The following IGSF11 variants were observed in gnomAD, a reference collection of about 807,000 sequenced individuals.
IGSF11 encodes the protein immunoglobulin superfamily member 11.
IGSF11 carries 22 observed loss-of-function variants against 41.0 expected under a neutral mutation model. The observed-to-expected ratio is 0.54, with a 90% CI of 0.38 to 0.77. The LOEUF (loss-of-function observed/expected upper bound fraction) is 0.77. IGSF11 is among the 30% of genes least tolerant of loss of function. The pLI is 0.00. For missense variants in IGSF11, 444 were observed against 530.8 expected, an observed-to-expected ratio of 0.84 and a Z score of 1.61; for synonymous variants, 219 against 201.3, an observed-to-expected ratio of 1.09 and a Z score of -0.74.
chr3:118,947,895 G>T (rs1474350158), intron 1 of IGSF11: 1 of 152,182 alleles, frequency 6.6e-6, no homozygotes, highest in African/African-American at 2.4e-5. Flanking sequence ...TTGTTGGTAA[G>T]GTTTATACAG....
At chr3:119,112,200 G>T (rs12494951) in intron 1 of IGSF11, among the ~76,000 whole-genome samples, 11,306 of 152,232 alleles carry the variant, frequency 0.074, 549 homozygotes, top group Admixed American at 0.16. Flanking sequence ...CCCAGAGGTG[G>T]AGCCTACAGA....
chr3:118,927,758 CACCTCT>C (rs1166180729), intron 3 of IGSF11, among the ~76,000 whole-genome samples: 1 of 152,132 alleles, frequency 6.6e-6, no homozygotes, highest in Non-Finnish European at 1.5e-5. Context: ...TGAGTTTAGC[CACCTCT>C]ACCACAAGTA....
At chr3:119,102,695 A>G (rs1001930739) in intron 1 of IGSF11, among the ~76,000 whole-genome samples, 1 of 152,076 alleles carries the variant, frequency 6.6e-6, no homozygotes, top group Non-Finnish European at 1.5e-5. Context: ...TGTCCCTAAT[A>G]CTTCTAAATT....
intron 1 of IGSF11, among the ~76,000 whole-genome samples, chr3:119,054,959 A>C (rs1941767850): frequency 6.6e-6 from 1 of 152,152 alleles, no homozygotes; most frequent in Non-Finnish European, 1.5e-5. Flanking sequence ...TCACACGGCC[A>C]GGTACTCCTC....
At chr3:119,041,886 C>A (rs1559829516) in intron 1 of IGSF11, among the ~76,000 whole-genome samples, 1 of 152,034 alleles carries the variant, frequency 6.6e-6, no homozygotes, top group East Asian at 1.9e-4. Context: ...AAAACAAACC[C>A]AATCTTTTAC....
chr3:119,114,188 T>C (rs2077224854), intron 1 of IGSF11, among the ~76,000 whole-genome samples: 1 of 152,236 alleles, frequency 6.6e-6, no homozygotes, highest in South Asian at 2.1e-4. Context: ...GTCTTGGCTA[T>C]TGACATTTGT....
At chr3:118,909,723 C>G (rs1940040606) in intron 4 of IGSF11, among the ~76,000 whole-genome samples, 1 of 152,206 alleles carries the variant, frequency 6.6e-6, no homozygotes, top group South Asian at 2.1e-4. Flanking sequence ...AATATTTTGT[C>G]TGTTTGCCCT....
chr3:119,070,954 G>A (rs1309556495), intron 1 of IGSF11, among the ~76,000 whole-genome samples: 1 of 152,170 alleles, frequency 6.6e-6, no homozygotes, highest in Non-Finnish European at 1.5e-5. Flanking sequence ...TAACACTACT[G>A]TGAACATACT....
At chr3:119,046,972 G>C (rs1247593326) in intron 1 of IGSF11, among the ~76,000 whole-genome samples, 1 of 143,814 alleles carries the variant, frequency 7.0e-6, no homozygotes, top group East Asian at 2.0e-4. Flanking sequence ...CACCAGGCCT[G>C]CCCTAAAAGA....
At chr3:119,139,672 C>T (rs150881909) in intron 1 of IGSF11, among the ~76,000 whole-genome samples, 167 of 152,238 alleles carry the variant, frequency 1.1e-3, no homozygotes, top group African/African-American at 3.8e-3. Context: ...TGCCCAGTCT[C>T]GGGTATGTCT....
intron 1 of IGSF11, among the ~76,000 whole-genome samples, chr3:119,072,124 C>G (rs547333663): frequency 6.6e-6 from 1 of 152,168 alleles, no homozygotes; most frequent in Admixed American, 6.5e-5. Flanking sequence ...ATATTTAGCA[C>G]GTCTTCCGTG....
chr3:119,126,298 T>C (rs1286435945), intron 1 of IGSF11, among the ~76,000 whole-genome samples: 2 of 152,224 alleles, frequency 1.3e-5, no homozygotes, highest in Non-Finnish European at 2.9e-5. Flanking sequence ...TGACCCATCC[T>C]TCCTCAGTGG....
intron 1 of IGSF11, among the ~76,000 whole-genome samples, chr3:119,126,926 T>C (rs1285743522): frequency 6.6e-6 from 1 of 151,868 alleles, no homozygotes; most frequent in African/African-American, 2.4e-5. Flanking sequence ...AAGATAAGAA[T>C]CAATGAAAAA....
chr3:119,029,330 G>T (rs934126824), intron 1 of IGSF11, among the ~76,000 whole-genome samples: 50 of 151,406 alleles, frequency 3.3e-4, no homozygotes, highest in Admixed American at 3.0e-3. Flanking sequence ...GAGGAGAAAG[G>T]GAATTTTATT....
chr3:118,933,489 T>TATATATATATATACAC (rs561820742), intron 1 of IGSF11, among the ~76,000 whole-genome samples: 1 of 148,754 alleles, frequency 6.7e-6, no homozygotes, highest in Admixed American at 6.8e-5. Context: ...TATATATATA[T>TATATATATATATACAC]ACACACACAC....
rs1358023657 is a variant in IGSF11 at position 119,050,183 on chromosome 3, A to C, written c.49+54961T>G. On this transcript the variant is annotated intron_variant, in intron 1 of 6. Transcript: ENST00000354673. Reference sequence around the variant, plus strand: ...TTAAACTAAAGAGCTTCTGCACAGCAAAAGAAGCTACCATCAGAGTGAACA... The same window carrying C: ...TTAAACTAAAGAGCTTCTGCACAGCCAAAGAAGCTACCATCAGAGTGAACA... Among the ~76,000 whole-genome samples, 7 of 151,850 alleles carry C rather than the reference A, an allele frequency of 4.6e-5. No homozygotes were observed. In the East Asian group the frequency reaches 1.3e-3, roughly 29 times the overall value.
At position 118,952,487 on chromosome 3, in the gene IGSF11, C is replaced by T. The variant is rs1223054705; in HGVS notation, c.53-22212G>A. Among the ~76,000 whole-genome samples the T allele has an allele frequency of 3.7e-4, 57 of 152,150 alleles. 1 individual carries two copies. The highest frequency in any genetic ancestry group is 3.7e-3 in the Admixed American group (56 of 15,260). On this transcript the variant is annotated intron_variant, in intron 1 of 6. Coordinates refer to ENST00000393775, the MANE Select transcript of IGSF11 (RefSeq NM_001015887.3). The stretch of plus-strand genomic sequence containing the variant: ...GTTGTCAGTTCAACATTGTTCACAT[C>T]TTCACCAGGAGTAGATTCCATCTCA...
chr3:119,004,810 G>C (rs1292648176), intron 1 of IGSF11, among the ~76,000 whole-genome samples: 35 of 151,836 alleles, frequency 2.3e-4, no homozygotes, highest in Middle Eastern at 3.4e-3. Flanking sequence ...TAGTTTGATT[G>C]CACTGTGGTC....
At chr3:118,998,815 G>A (rs540217925) in intron 1 of IGSF11, among the ~76,000 whole-genome samples, 6 of 152,020 alleles carry the variant, frequency 3.9e-5, no homozygotes, top group Non-Finnish European at 7.4e-5. Flanking sequence ...GTTGACAAAT[G>A]GTATCTATTT....
Sources: allele counts gnomAD v4.1 joint callset (sites outside exome capture counted in the v4.1 genomes callset), GRCh38; gene constraint gnomAD v4.1.1; transcripts MANE v1.5; gene names NCBI Gene and HGNC (gene_info 2026-07-23, HGNC 2026-07-21).